RSPH9: variants seen among roughly 807,000 people sequenced by gnomAD.
RSPH9 encodes radial spoke head protein 9 homolog.
Under a neutral mutation model 27.0 loss-of-function variants are expected in RSPH9, and 27 were observed. The ratio of observed to expected loss-of-function variants is 1.00; its 90% CI spans 0.74 to 1.38. RSPH9 has a LOEUF of 1.38. Among genes scored for constraint, RSPH9 ranks in the 40% most tolerant of loss-of-function variants. RSPH9 has a pLI of 0.00. For missense variants in RSPH9, 347 were observed against 357.4 expected, an observed-to-expected ratio of 0.97 and a Z score of 0.24; for synonymous variants, 145 against 147.7, an observed-to-expected ratio of 0.98 and a Z score of 0.13.
chr6:43,663,335 C>T (rs763729407), intron 4 of RSPH9, among the ~76,000 whole-genome samples: 1 of 152,086 alleles, frequency 6.6e-6, no homozygotes, highest in Non-Finnish European at 1.5e-5. Flanking sequence ...TCTTCTGCCT[C>T]ACCCTCCTGA....
rs111258828 is a variant in RSPH9 at position 43,670,677 on chromosome 6, T to A, written c.671-112T>A. The A allele has an allele frequency of 1.9e-4, 157 of 833,254 alleles. 1 individual carries two copies. In the African/African-American group the frequency reaches 2.2e-3, roughly 12 times the overall value. The allele number at this position is 833,254 out of a possible 1,614,324, so 51.6% of individuals were successfully genotyped here. A position where few individuals can be genotyped will look rare whatever the true frequency, so the allele number is the denominator to read the frequency against. Reference sequence around the variant, plus strand: ...GGAGAATTAAATGGTCTCTCCCCAGTGGAACCATAGCACCTGGGCCTGGCT... The same window carrying A: ...GGAGAATTAAATGGTCTCTCCCCAGAGGAACCATAGCACCTGGGCCTGGCT... On this transcript the variant is annotated intron_variant, in intron 4 of 4. Coordinates refer to ENST00000372163, the MANE Select transcript of RSPH9 (RefSeq NM_152732.5).
Position 43,658,610 on chromosome 6 carries a change from G to A in RSPH9, c.670+1887G>A, listed in dbSNP as rs967075594. Among the ~76,000 whole-genome samples, 15 of 152,148 alleles carry A rather than the reference G, an allele frequency of 9.9e-5. No individual in the cohort carries two copies. The East Asian group carries it at 2.5e-3, about 26-fold the overall frequency. On this transcript the variant is annotated intron_variant, in intron 4 of 4. Coordinates refer to ENST00000372163, the MANE Select transcript of RSPH9 (RefSeq NM_152732.5). ...GGCTGGAGTGCAGTGGCGCAATCTC[G>A]GCTCACTGCAAGCTCCACCTCCCGG...
intron 2 of RSPH9, among the ~76,000 whole-genome samples, chr6:43,650,905 TAAAA>T (rs57197298): frequency 2.0e-5 from 2 of 99,928 alleles, no homozygotes; most frequent in South Asian, 6.1e-4. Flanking sequence ...ACCCTGTCTA[TAAAA>T]AAAAAAAAAA....
intron 2 of RSPH9, among the ~76,000 whole-genome samples, chr6:43,654,677 G>T (rs1014918620): frequency 6.6e-6 from 1 of 152,128 alleles, no homozygotes; most frequent in African/African-American, 2.4e-5. Context: ...ACAAAAATTA[G>T]CTGGGTGCAG....
chr6:43,670,916 C>A lies in RSPH9; in HGVS notation c.798C>A (p.Gly266=). 2 of 1,614,182 alleles carry A rather than the reference C, an allele frequency of 1.2e-6. No individual in the cohort carries two copies. The highest frequency in any genetic ancestry group is 1.7e-4 in the Middle Eastern group (1 of 6,060). ...KNYGYVYVGT[G]EKNMDLPFML is the part of the protein sequence containing the mutation. ...ATGGCTACGTCTACGTGGGCACTGGCGAGAAGAACATGGACTTGCCCTTCA... is the reference window on the plus strand; with the variant it reads ...ATGGCTACGTCTACGTGGGCACTGGAGAGAAGAACATGGACTTGCCCTTCA... The change falls in exon 5 of 5, where the codon GGC becomes GGA. Residue 266 remains glycine, a synonymous_variant. Transcript: ENST00000372163.
chr6:43,651,486 C>T (rs1771462892), intron 2 of RSPH9, among the ~76,000 whole-genome samples: 1 of 152,132 alleles, frequency 6.6e-6, no homozygotes, highest in Admixed American at 6.6e-5. Flanking sequence ...AAGTTTCCTC[C>T]CATCTCTGTC....
Position 43,671,878 on chromosome 6 carries a change from C to G in RSPH9, c.*929C>G. On this transcript the variant is annotated 3_prime_UTR_variant, in exon 5 of 5. Transcript: ENST00000372163. ...GGGCCTTTTTTGTAGATGGGCTTGA[C>G]GGAGCCAGGAGCCCAGCGCGTCAGG... 3 of 1,612,982 alleles carry G rather than the reference C, an allele frequency of 1.9e-6. No individual in the cohort carries two copies. Among genetic ancestry groups the G allele is most frequent in the East Asian group, 2.2e-5 (1 of 44,866 alleles).
intron 1 of RSPH9, 94 bp from the exon 2 acceptor site, chr6:43,650,281 C>T: frequency 6.7e-7 from 1 of 1,484,512 alleles, no homozygotes; most frequent in Non-Finnish European, 9.3e-7. Context: ...AACAGCTTTT[C>T]CTGGGCCCAA....
Position 43,672,014 on chromosome 6 carries a change from C to A in RSPH9, c.*1065C>A, listed in dbSNP as rs1277020067. Reference sequence around the variant, plus strand: ...CCAGGCCACGGTTGGGCAAGCAAATCCTTTCACCAGTTTCCCTTTCCTGAA... The same window carrying A: ...CCAGGCCACGGTTGGGCAAGCAAATACTTTCACCAGTTTCCCTTTCCTGAA... On this transcript the variant is annotated 3_prime_UTR_variant, in exon 5 of 5. Transcript: ENST00000372163. The A allele has an allele frequency of 1.6e-6, 2 of 1,284,764 alleles. No homozygotes were observed. 79.6% of individuals were successfully genotyped at this position (1,284,764 alleles called of 1,614,324 possible). A position where few individuals can be genotyped will look rare whatever the true frequency, so the allele number is the denominator to read the frequency against.
Position 43,671,855 on chromosome 6 carries a change from GC to G in RSPH9, c.*908del, listed in dbSNP as rs1182745505. On this transcript the variant is annotated 3_prime_UTR_variant, in exon 5 of 5. Transcript: ENST00000372163. ...GCATGCGCACCCTGTTCCAGCGGGG[GC>G]CTTTTTTGTAGATGGGCTTGACGGA... 1.2e-6 allele frequency: 2 copies of G among 1,613,912 alleles called. No individual in the cohort carries two copies. Among genetic ancestry groups the G allele is most frequent in the Non-Finnish European group, 8.5e-7 (1 of 1,179,898 alleles).
At chr6:43,652,355 AACCT>A in intron 2 of RSPH9, among the ~76,000 whole-genome samples, 1 of 151,658 alleles carries the variant, frequency 6.6e-6, no homozygotes, top group African/African-American at 2.4e-5. Flanking sequence ...CATGATTCTG[AACCT>A]TGCTTTTTTT....
intron 2 of RSPH9, among the ~76,000 whole-genome samples, chr6:43,650,981 A>G (rs1244689056): frequency 6.7e-6 from 1 of 148,906 alleles, no homozygotes; most frequent in Non-Finnish European, 1.5e-5. Flanking sequence ...TTTTTTTGGG[A>G]CAGGAATATC....
At chr6:43,650,339 G>A (rs1370622217) in intron 1 of RSPH9, 36 bp from the exon 2 acceptor site, 1 of 1,611,486 alleles carries the variant, frequency 6.2e-7, no homozygotes, top group South Asian at 1.1e-5. Flanking sequence ...TGAGAAGGGA[G>A]TTGGAATCCA....
chr6:43,654,073 G>A (rs144995926), intron 2 of RSPH9, among the ~76,000 whole-genome samples: 2 of 152,258 alleles, frequency 1.3e-5, no homozygotes, highest in African/African-American at 4.8e-5. Context: ...ATTAAATGAG[G>A]TGACATATTT....
rs142194323 is a variant in RSPH9, at chr6:43,650,428, C to T, written c.281C>T (p.Ala94Val). ...LLPPATEEMV[A>V]QSSVVKGRFM... ...CCCCCTGCCACAGAGGAGATGGTGG[C>T]GCAGTCGTCTGTGGTGAAGGGCCGC... The change falls in exon 2 of 5, where the codon GCG (alanine) becomes GTG (valine). Residue 94 changes from alanine to valine, a missense_variant. Coordinates refer to ENST00000372163, the MANE Select transcript of RSPH9 (RefSeq NM_152732.5). 4.8e-5 allele frequency: 78 copies of T among 1,613,882 alleles called. No homozygotes were observed. The Middle Eastern group carries it at 1.7e-3, about 35-fold the overall frequency.
chr6:43,659,306 T>A (rs960420212), intron 4 of RSPH9, among the ~76,000 whole-genome samples: 1 of 149,804 alleles, frequency 6.7e-6, no homozygotes, highest in African/African-American at 2.5e-5. Flanking sequence ...CACTGCAACC[T>A]CCACCTTCTG....
At chr6:43,655,988 A>ACTTACTTC (rs745382908) in intron 3 of RSPH9, among the ~76,000 whole-genome samples, 50 of 113,712 alleles carry the variant, frequency 4.4e-4, no homozygotes, top group Admixed American at 1.5e-3. Context: ...TCCTCCTTGG[A>ACTTACTTC]CTTCCTTCCT....
chr6:43,671,028 TCTGTC>T lies in RSPH9; in HGVS notation c.*82_*86del. 3 of 1,547,630 alleles carry T rather than the reference TCTGTC, an allele frequency of 1.9e-6. No homozygotes were observed. On this transcript the variant is annotated 3_prime_UTR_variant, in exon 5 of 5. Transcript: ENST00000372163. The stretch of plus-strand genomic sequence containing the variant: ...GCTTCAGTGAACTTGGCCTGCCTGT[TCTGTC>T]CTATCTTCTTAACTCCACCTCCGTC...
At chr6:43,670,292 T>C (rs554875538) in intron 4 of RSPH9, among the ~76,000 whole-genome samples, 1 of 152,208 alleles carries the variant, frequency 6.6e-6, no homozygotes, top group East Asian at 1.9e-4. Context: ...CTGAAAGTGG[T>C]TTTAATGAGC....
Sources: gnomAD v4.1 joint callset for allele counts (sites outside exome capture counted in the v4.1 genomes callset) on GRCh38, gnomAD v4.1.1 for gene constraint, MANE v1.5 for transcripts, NCBI Gene and HGNC (gene_info 2026-07-23, HGNC 2026-07-21) for gene names.